USP54: variants seen among roughly 807,000 people sequenced by gnomAD.
The protein encoded by USP54 is ubiquitin carboxyl-terminal hydrolase 54.
USP54 carries 87 observed loss-of-function variants against 170.5 expected under a neutral mutation model. The ratio of observed to expected loss-of-function variants is 0.51; its 90% confidence interval spans 0.43 to 0.61. USP54 has a LOEUF of 0.61. Ranked by LOEUF, USP54 falls within the 20% of genes least tolerant of loss-of-function variation. The pLI, the probability that USP54 is intolerant of heterozygous loss-of-function variation, is 0.00. For missense variants in USP54, 1,786 were observed against 2,047.8 expected, an observed-to-expected ratio of 0.87 and a Z score of 2.47; for synonymous variants, 655 against 742.8, an observed-to-expected ratio of 0.88 and a Z score of 1.92.
upstream of USP54, among the ~76,000 whole-genome samples, chr10:73,591,731 G>A (rs933097069): frequency 2.0e-5 from 3 of 152,118 alleles, no homozygotes; most frequent in African/African-American, 7.2e-5. Context: ...TTCCAAAGAA[G>A]GGCCAGTCCC....
intron 1 of USP54, among the ~76,000 whole-genome samples, chr10:73,604,483 C>T (rs1449425458): frequency 1.3e-5 from 2 of 151,956 alleles, no homozygotes; most frequent in South Asian, 4.1e-4. Flanking sequence ...TTGCCAGGCA[C>T]ATTGGCTCAC....
At chr10:73,524,901 A>G (rs1005995522) in intron 16 of USP54, among the ~76,000 whole-genome samples, 10 of 152,322 alleles carry the variant, frequency 6.6e-5, no homozygotes, top group Admixed American at 6.5e-4. Flanking sequence ...ACTTTCTACC[A>G]GGTGCTGTCA....
At chr10:73,564,222 A>G (rs2073782793) in intron 4 of USP54, among the ~76,000 whole-genome samples, 1 of 152,146 alleles carries the variant, frequency 6.6e-6, no homozygotes, top group Non-Finnish European at 1.5e-5. Context: ...GCTAGTCTCA[A>G]ACTCTTAGGC....
rs566727695 is a variant in USP54, at chr10:73,532,189, T to C, written c.1316-1354A>G. Among the ~76,000 whole-genome samples the C allele has an allele frequency of 5.9e-5, 9 of 152,274 alleles. No individual in the cohort carries two copies. In the East Asian group the frequency reaches 9.6e-4, roughly 16 times the overall value. ...GGAACAACTAAGTCTTTTTTTTTTT[T>C]TGAGACGGAGTCTCGCTCTGTCACC... On this transcript the variant is annotated intron_variant, in intron 12 of 23. Coordinates refer to ENST00000687698, the MANE Select transcript of USP54 (RefSeq NM_001391956.1).
chr10:73,512,482 C>G (rs1009703136), intron 20 of USP54, among the ~76,000 whole-genome samples: 1 of 151,976 alleles, frequency 6.6e-6, no homozygotes, highest in African/African-American at 2.4e-5. Context: ...ACCAAGGACT[C>G]TAACAAAAAT....
chr10:73,592,813 A>C (rs1047917816), upstream of USP54, among the ~76,000 whole-genome samples: 1 of 152,226 alleles, frequency 6.6e-6, no homozygotes, highest in Admixed American at 6.5e-5. Flanking sequence ...ATCCACAGGG[A>C]AATCTCACTC....
intron 23 of USP54, 138 bp downstream of exon 23, chr10:73,500,517 C>T: frequency 1.3e-6 from 1 of 791,764 alleles, no homozygotes; most frequent in Non-Finnish European, 1.9e-6. Context: ...AAATGCACGA[C>T]TTTGAAGCAG....
At chr10:73,508,972 GTT>G (rs945752651) in intron 20 of USP54, among the ~76,000 whole-genome samples, 6 of 133,558 alleles carry the variant, frequency 4.5e-5, no homozygotes, top group Admixed American at 1.5e-4. Context: ...GCCAGAACAT[GTT>G]TTTTTTTTTT....
chr10:73,503,046 A>G (rs2058446981), intron 22 of USP54, among the ~76,000 whole-genome samples: 1 of 152,106 alleles, frequency 6.6e-6, no homozygotes, highest in South Asian at 2.1e-4. Context: ...ACTTATCTCT[A>G]TCCTTCCAAA....
chr10:73,500,856 C>A lies in USP54; in HGVS notation c.4312-18G>T, dbSNP rs201611515. ...GATGAATCCTTATAATGAGACAAGA[C>A]AAAAAAACATAGAGATGAGGATTAA... On this transcript the variant is annotated intron_variant, in intron 22 of 23. Transcript: ENST00000687698. 32 of 1,580,576 alleles carry A rather than the reference C, an allele frequency of 2.0e-5. No individual in the cohort carries two copies. Among genetic ancestry groups the A allele is most frequent in the Admixed American group, 7.9e-5 (4 of 50,936 alleles).
intron 19 of USP54, chr10:73,518,049 C>T (rs929956883): frequency 4.7e-5 from 25 of 528,608 alleles, no homozygotes; most frequent in Admixed American, 6.4e-5. Flanking sequence ...AAGTCGCATT[C>T]CAATCACATT....
In USP54 at chr10:73,499,074, C is replaced by T. The variant is rs1484945466; in HGVS notation, c.4610G>A (p.Arg1537Lys). 1.9e-6 allele frequency: 3 copies of T among 1,614,010 alleles called. No homozygotes were observed. The highest frequency in any genetic ancestry group is 2.2e-5 in the East Asian group (1 of 44,890). Reference sequence around the variant, plus strand: ...CCAGGGTGCCCAGGAGTTGTCTGTTCTGGAGCGATGGGGGAGGCTCTGGTA... The same window carrying T: ...CCAGGGTGCCCAGGAGTTGTCTGTTTTGGAGCGATGGGGGAGGCTCTGGTA... ...LNYQSLPHRS[R>K]TDNSWAPWSE... Residue 1537 changes from arginine (R) to lysine (K), a missense_variant, in exon 24 of 24, where the codon AGA (arginine) becomes AAA (lysine). Arg to Lys is a conservative substitution (Grantham distance 26). Around this residue, in one of 3 missense-constraint regions of USP54, gnomAD observed 1,418 missense variants for 1,569.0 expected, o/e 0.90. Coordinates refer to ENST00000687698, the MANE Select transcript of USP54 (RefSeq NM_001391956.1).
At chr10:73,602,396 T>A (rs2079235490) in intron 1 of USP54, among the ~76,000 whole-genome samples, 1 of 151,152 alleles carries the variant, frequency 6.6e-6, no homozygotes, top group African/African-American at 2.4e-5. Flanking sequence ...ACTAAAATTA[T>A]AAAAAAATTA....
intron 1 of USP54, among the ~76,000 whole-genome samples, chr10:73,587,812 A>C (rs941386342): frequency 6.6e-6 from 1 of 152,218 alleles, no homozygotes; most frequent in East Asian, 1.9e-4. Context: ...TAAGTGTGGA[A>C]TAAATGTTTT....
intron 4 of USP54, among the ~76,000 whole-genome samples, chr10:73,547,324 C>G (rs1403258228): frequency 6.6e-6 from 1 of 152,090 alleles, no homozygotes; most frequent in Non-Finnish European, 1.5e-5. Context: ...TCACTTGAAC[C>G]CGGGAGGCTG....
At chr10:73,564,251 T>A (rs1265070228) in intron 4 of USP54, among the ~76,000 whole-genome samples, 1 of 152,230 alleles carries the variant, frequency 6.6e-6, no homozygotes, top group Non-Finnish European at 1.5e-5. Flanking sequence ...TCCTCCCACC[T>A]TGGCCTCCCA....
intron 1 of USP54, among the ~76,000 whole-genome samples, chr10:73,623,275 A>G (rs2081236267): frequency 2.6e-5 from 4 of 151,530 alleles, no homozygotes; most frequent in African/African-American, 9.7e-5. Flanking sequence ...GGTCCTATCT[A>G]CTCAGGAGGC....
intron 4 of USP54, among the ~76,000 whole-genome samples, chr10:73,564,216 G>A (rs549698034): frequency 6.6e-5 from 10 of 152,254 alleles, no homozygotes; most frequent in East Asian, 5.8e-4. Flanking sequence ...GCCTAGGCTA[G>A]TCTCAAACTC....
intron 1 of USP54, among the ~76,000 whole-genome samples, chr10:73,586,554 A>G (rs1039244588): frequency 1.6e-4 from 24 of 152,216 alleles, no homozygotes; most frequent in Non-Finnish European, 2.5e-4. Context: ...GTTTCATTGA[A>G]AGAGAAAACT....
Sources: gnomAD v4.1 joint callset for allele counts (sites outside exome capture counted in the v4.1 genomes callset) on GRCh38, gnomAD v4.1.1 for gene constraint, gnomAD v4.1.1 regional missense constraint, MANE v1.5 for transcripts, NCBI Gene and HGNC (gene_info 2026-07-23, HGNC 2026-07-21) for gene names.